BCAS1: variants seen among roughly 807,000 people sequenced by gnomAD.
The protein encoded by BCAS1 is brain enriched myelin associated protein 1, also known as breast carcinoma-amplified sequence 1.
In BCAS1, 46 loss-of-function variants were observed where a neutral mutation model predicts 65.4. The observed-to-expected ratio is 0.70, with a 90% CI of 0.55 to 0.90. The LOEUF is 0.90. BCAS1 is among the 40% of genes least tolerant of loss of function. The pLI is 0.00. For synonymous variants in BCAS1, 298 were observed against 293.5 expected (o/e 1.02, Z -0.16); for missense variants, 793 against 771.2 (o/e 1.03, Z -0.33).
At chr20:54,041,909 CAA>C (rs796435949) in intron 3 of BCAS1, among the ~76,000 whole-genome samples, 11 of 79,784 alleles carry the variant, frequency 1.4e-4, no homozygotes, top group African/African-American at 4.9e-4. Context: ...CTGTCTCCCC[CAA>C]AAAAAAAAAA....
intron 3 of BCAS1, among the ~76,000 whole-genome samples, chr20:54,029,629 A>G (rs2091758202): frequency 6.6e-6 from 1 of 152,254 alleles, no homozygotes. Context: ...AAGGAGACAG[A>G]TAATAAATCT....
chr20:54,015,480 G>GT lies in BCAS1; in HGVS notation c.723+12911dup, dbSNP rs200397142. ...TCAACTGATAAAAATTCAATGAGTA[G>GT]TTTTTTTTTTATAATGCATTCACAT... On this transcript the variant is annotated intron_variant, in intron 4 of 12. Coordinates refer to ENST00000688948, the MANE Select transcript of BCAS1 (RefSeq NM_001366298.2). Among the ~76,000 whole-genome samples, 459 of 148,802 alleles carry GT rather than the reference G, an allele frequency of 3.1e-3. 2 individuals carry two copies. The highest frequency in any genetic ancestry group is 8.7e-3 in the African/African-American group (352 of 40,600).
intron 10 of BCAS1, among the ~76,000 whole-genome samples, chr20:53,964,905 G>GTTT (rs143853752): frequency 6.9e-6 from 1 of 145,908 alleles, no homozygotes; most frequent in Admixed American, 6.8e-5. Flanking sequence ...TCTATTTACT[G>GTTT]TTTTTTTTTT....
intron 3 of BCAS1, among the ~76,000 whole-genome samples, chr20:54,041,916 A>AAAAAAAAAAAAAG (rs2092006275): frequency 6.7e-6 from 1 of 148,358 alleles, no homozygotes; most frequent in South Asian, 2.2e-4. Flanking sequence ...CCCCAAAAAA[A>AAAAAAAAAAAAAG]AAAAAAAAAA....
chr20:53,952,992 G>GCATTCATT (rs146555244), intron 12 of BCAS1, among the ~76,000 whole-genome samples: 20,792 of 151,940 alleles, frequency 0.14, 1,638 homozygotes, highest in South Asian at 0.21. Flanking sequence ...AGCCAATAAT[G>GCATTCATT]CATTCATTCA....
chr20:54,038,735 C>T (rs553293790), intron 3 of BCAS1, among the ~76,000 whole-genome samples: 3 of 151,438 alleles, frequency 2.0e-5, no homozygotes, highest in Non-Finnish European at 3.0e-5. Context: ...TATTCACCGC[C>T]GAATCATCTC....
intron 9 of BCAS1, among the ~76,000 whole-genome samples, chr20:53,968,729 A>T (rs2090103417): frequency 6.6e-6 from 1 of 152,262 alleles, no homozygotes; most frequent in South Asian, 2.1e-4. Context: ...AGAGAATATC[A>T]GCATGGATTG....
At chr20:53,993,731 C>CA (rs1200785825) in intron 6 of BCAS1, among the ~76,000 whole-genome samples, 2 of 152,204 alleles carry the variant, frequency 1.3e-5, no homozygotes, top group Admixed American at 1.3e-4. Context: ...TTGCCCCAAC[C>CA]ATTCATTGAA....
At chr20:53,953,796 G>A in intron 11 of BCAS1, 101 bp from the exon 12 acceptor site, 4 of 1,339,182 alleles carry the variant, frequency 3.0e-6, no homozygotes, top group Non-Finnish European at 4.0e-6. Flanking sequence ...AATGTTGGGT[G>A]GTATCTACAT....
At chr20:54,049,938 G>T (rs917323633) in intron 3 of BCAS1, among the ~76,000 whole-genome samples, 1 of 152,126 alleles carries the variant, frequency 6.6e-6, no homozygotes, top group African/African-American at 2.4e-5. Flanking sequence ...TTCCATTTCC[G>T]ATTGCTGTAA....
intron 4 of BCAS1, among the ~76,000 whole-genome samples, chr20:54,005,501 A>G (rs1203702519): frequency 6.6e-6 from 1 of 152,174 alleles, no homozygotes; most frequent in Non-Finnish European, 1.5e-5. Flanking sequence ...ATAAAAAGAA[A>G]AAAAAGACAA....
intron 10 of BCAS1, among the ~76,000 whole-genome samples, chr20:53,964,041 A>G (rs1415160686): frequency 1.3e-5 from 2 of 152,242 alleles, no homozygotes; most frequent in East Asian, 3.8e-4. Flanking sequence ...TCACTGTTGT[A>G]TCCCTTGTGC....
At chr20:53,945,919 A>G (rs1220703861) in intron 12 of BCAS1, among the ~76,000 whole-genome samples, 3 of 152,194 alleles carry the variant, frequency 2.0e-5, no homozygotes, top group African/African-American at 7.2e-5. Flanking sequence ...CTACAGGTGC[A>G]CACCACCAAA....
chr20:53,996,187 C>A, intron 4 of BCAS1, 137 bp from the exon 5 acceptor site: 1 of 838,420 alleles, frequency 1.2e-6, no homozygotes, highest in East Asian at 2.6e-5. Flanking sequence ...GCAGAACAAT[C>A]ATGAGATTAT....
At chr20:54,037,521 A>T (rs1259372713) in intron 3 of BCAS1, among the ~76,000 whole-genome samples, 2 of 151,604 alleles carry the variant, frequency 1.3e-5, no homozygotes, top group African/African-American at 4.8e-5. Flanking sequence ...TCCCAGCATT[A>T]GGATAAATGT....
chr20:53,951,133 T>C (rs558250916), intron 12 of BCAS1, among the ~76,000 whole-genome samples: 41 of 152,338 alleles, frequency 2.7e-4, no homozygotes, highest in Non-Finnish European at 1.8e-4. Flanking sequence ...AATCATTCCC[T>C]GGGTGGTGTT....
At chr20:53,958,839 G>A (rs2089782839) in intron 10 of BCAS1, among the ~76,000 whole-genome samples, 1 of 152,204 alleles carries the variant, frequency 6.6e-6, no homozygotes, top group East Asian at 1.9e-4. Context: ...GCAGGTTTGA[G>A]TGCCAGTGTT....
Position 54,028,574 on chromosome 20 carries a change from C to T in BCAS1, c.541G>A (p.Gly181Arg). 6.2e-7 allele frequency: 1 copy of T among 1,614,184 alleles called. No homozygotes were observed. Among genetic ancestry groups the T allele is most frequent in the Non-Finnish European group, 8.5e-7 (1 of 1,180,036 alleles). The change falls in exon 4 of 13, where the codon GGA (glycine) becomes AGA (arginine). Residue 181 changes from glycine (G) to arginine (R), a missense_variant. Gly to Arg is a moderately radical substitution (Grantham distance 125). Coordinates refer to ENST00000688948, the MANE Select transcript of BCAS1 (RefSeq NM_001366298.2). ...TLLPPETGGA[G>R]GEAPSKPKDS... ...TTGGGCTTGGAGGGAGCTTCTCCTCCTGCTCCCCCTGTCTCAGGTGGGAGA... is the reference window on the plus strand; with the variant it reads ...TTGGGCTTGGAGGGAGCTTCTCCTCTTGCTCCCCCTGTCTCAGGTGGGAGA...
chr20:53,968,142 C>T (rs1038465542), intron 9 of BCAS1, among the ~76,000 whole-genome samples: 2 of 152,206 alleles, frequency 1.3e-5, no homozygotes, highest in Non-Finnish European at 2.9e-5. Context: ...TATCAGCACA[C>T]GCGACCACGC....
Sources: gnomAD v4.1 joint callset for allele counts (sites outside exome capture counted in the v4.1 genomes callset) on GRCh38, gnomAD v4.1.1 for gene constraint, MANE v1.5 for transcripts, NCBI Gene and HGNC (gene_info 2026-07-23, HGNC 2026-07-21) for gene names.